NPAS3: variants seen among roughly 807,000 people sequenced by gnomAD.
NPAS3 encodes neuronal PAS domain protein 3, also known as neuronal PAS domain-containing protein 3.
A neutral mutation model predicts 73.1 loss-of-function variants in NPAS3; 14 were observed. That is an observed-to-expected ratio of 0.19 (90% CI 0.13 to 0.30). NPAS3 has a LOEUF of 0.30. Ranked by LOEUF, NPAS3 falls within the 10% of genes least tolerant of loss-of-function variation. The pLI is 1.00. For missense variants in NPAS3, 1,096 were observed against 1,250.0 expected (o/e 0.88, Z 1.86); for synonymous variants, 620 against 541.5 (o/e 1.14, Z -2.01).
At chr14:33,591,963 G>A (rs1344084378) in intron 5 of NPAS3, among the ~76,000 whole-genome samples, 2 of 152,186 alleles carry the variant, frequency 1.3e-5, no homozygotes, top group Non-Finnish European at 2.9e-5. Context: ...CTGGTACCTT[G>A]TCGCTTGTTT....
chr14:33,151,076 C>T (rs1046063345), intron 2 of NPAS3, among the ~76,000 whole-genome samples: 19 of 152,186 alleles, frequency 1.2e-4, no homozygotes, highest in Admixed American at 3.9e-4. Context: ...TACTTAACAC[C>T]GTGAATCTCT....
At chr14:33,232,503 T>C (rs1191230883) in intron 3 of NPAS3, among the ~76,000 whole-genome samples, 1 of 152,178 alleles carries the variant, frequency 6.6e-6, no homozygotes, top group East Asian at 1.9e-4. Context: ...AGGTTTATAA[T>C]CTCCCAATAT....
intron 2 of NPAS3, among the ~76,000 whole-genome samples, chr14:33,066,409 A>G (rs1210075326): frequency 6.6e-6 from 1 of 152,166 alleles, no homozygotes; most frequent in Non-Finnish European, 1.5e-5. Flanking sequence ...GGTAGTAACA[A>G]TTTATATGAT....
intron 3 of NPAS3, among the ~76,000 whole-genome samples, chr14:33,275,591 AT>A (rs1363222081): frequency 2.6e-5 from 4 of 152,150 alleles, no homozygotes; most frequent in African/African-American, 9.7e-5. Context: ...GAATTAAGTA[AT>A]TTTGCTTCCT....
At chr14:33,144,404 A>T (rs570556645) in intron 2 of NPAS3, among the ~76,000 whole-genome samples, 38 of 152,300 alleles carry the variant, frequency 2.5e-4, no homozygotes, top group Non-Finnish European at 5.0e-4. Context: ...ACAATTTTTA[A>T]ATTTTGATAT....
At chr14:33,367,299 T>C (rs772414126) in intron 4 of NPAS3, 31 bp downstream of exon 4, 2 of 823,002 alleles carry the variant, frequency 2.4e-6, no homozygotes, top group Non-Finnish European at 4.1e-6. Context: ...AGCTTTCTTA[T>C]ATTTTACTAA....
At chr14:33,281,439 T>TG (rs1443840721) in intron 3 of NPAS3, among the ~76,000 whole-genome samples, 8 of 152,252 alleles carry the variant, frequency 5.3e-5, no homozygotes, top group African/African-American at 1.9e-4. Flanking sequence ...GAGACCAGCC[T>TG]GGGCAACATG....
intron 4 of NPAS3, among the ~76,000 whole-genome samples, chr14:33,457,149 C>T (rs1209568962): frequency 6.6e-6 from 1 of 152,206 alleles, no homozygotes; most frequent in African/African-American, 2.4e-5. Flanking sequence ...TAGGTCACAC[C>T]ACAATGCCCA....
At chr14:32,978,374 A>G (rs1460530621) in intron 1 of NPAS3, among the ~76,000 whole-genome samples, 1 of 152,218 alleles carries the variant, frequency 6.6e-6, no homozygotes, top group East Asian at 1.9e-4. Context: ...CCATCCACAT[A>G]CAACTCAGAG....
At chr14:32,977,766 A>G (rs2037748314) in intron 1 of NPAS3, among the ~76,000 whole-genome samples, 1 of 152,192 alleles carries the variant, frequency 6.6e-6, no homozygotes, top group Non-Finnish European at 1.5e-5. Context: ...GAAAAACTTC[A>G]GCAGTTTCTC....
chr14:33,778,649 T>C, intron 9 of NPAS3, 77 bp downstream of exon 9: 1 of 931,018 alleles, frequency 1.1e-6, no homozygotes, highest in Non-Finnish European at 1.8e-6. Flanking sequence ...TCAGTGCTGA[T>C]TTTTCCCTTC....
chr14:33,672,101 G>A (rs758589710), intron 5 of NPAS3, among the ~76,000 whole-genome samples: 62 of 152,054 alleles, frequency 4.1e-4, no homozygotes, highest in Non-Finnish European at 5.7e-4. Context: ...GTTAACACCT[G>A]AAACTAACCA....
intron 6 of NPAS3, among the ~76,000 whole-genome samples, chr14:33,704,392 T>G (rs1476275369): frequency 6.6e-6 from 1 of 152,242 alleles, no homozygotes; most frequent in Admixed American, 6.5e-5. Context: ...TACATCACTC[T>G]CAGAATTTAG....
intron 2 of NPAS3, among the ~76,000 whole-genome samples, chr14:33,180,798 CCAA>C (rs1231864430): frequency 0.17 from 5,278 of 31,414 alleles, 174 homozygotes; most frequent in Middle Eastern, 0.25. Flanking sequence ...GACACTGTCT[CCAA>C]GAAAAAAAAA....
At chr14:32,947,274 C>A (rs2036299909) in intron 1 of NPAS3, among the ~76,000 whole-genome samples, 5 of 152,090 alleles carry the variant, frequency 3.3e-5, no homozygotes, top group Admixed American at 3.3e-4. Flanking sequence ...AGGATGCTAG[C>A]TCTAAACTTC....
At chr14:33,517,270 T>C (rs2053346740) in intron 4 of NPAS3, among the ~76,000 whole-genome samples, 1 of 152,078 alleles carries the variant, frequency 6.6e-6, no homozygotes, top group African/African-American at 2.4e-5. Context: ...GTCATCAACC[T>C]CTGGCAAACA....
At chr14:33,211,981 ACTAAT>A (rs763126077) in intron 2 of NPAS3, among the ~76,000 whole-genome samples, 17 of 152,326 alleles carry the variant, frequency 1.1e-4, no homozygotes, top group African/African-American at 7.2e-5. Context: ...CTCATGTACA[ACTAAT>A]CTATTCTATC....
chr14:33,645,118 C>T (rs985832854), intron 5 of NPAS3, among the ~76,000 whole-genome samples: 7 of 151,356 alleles, frequency 4.6e-5, no homozygotes, highest in East Asian at 1.9e-4. Flanking sequence ...AAAAGATGAG[C>T]GAATAGGACA....
intron 4 of NPAS3, among the ~76,000 whole-genome samples, chr14:33,524,072 T>G (rs1476766031): frequency 6.6e-6 from 1 of 152,162 alleles, no homozygotes; most frequent in Non-Finnish European, 1.5e-5. Context: ...TGGGGAAATT[T>G]TTTTAGGTTA....
Sources: allele counts gnomAD v4.1 joint callset (sites outside exome capture counted in the v4.1 genomes callset), GRCh38; gene constraint gnomAD v4.1.1; transcripts MANE v1.5; gene names NCBI Gene and HGNC (gene_info 2026-07-23, HGNC 2026-07-21).